The following IL1RAPL1 variants were observed in gnomAD, a reference collection of about 807,000 sequenced individuals.
IL1RAPL1 encodes the protein interleukin 1 receptor accessory protein like 1.
In IL1RAPL1, 3 loss-of-function variants were observed where a neutral mutation model predicts 48.4. The ratio of observed to expected loss-of-function variants is 0.06; its 90% CI spans 0.03 to 0.16. IL1RAPL1 has a LOEUF of 0.16. Ranked by LOEUF, IL1RAPL1 falls within the 10% of genes least tolerant of loss-of-function variation. The pLI is 1.00. For synonymous variants in IL1RAPL1, 185 were observed against 187.7 expected (o/e 0.99, Z 0.12); for missense variants, 349 against 530.6 (o/e 0.66, Z 3.36).
intron 5 of IL1RAPL1, among the ~76,000 whole-genome samples, chrX:29,631,386 C>A (rs750122022): frequency 4.8e-4 from 53 of 111,511 alleles, no homozygotes; most frequent in African/African-American, 1.6e-3. Context: ...AGCCTCCCAT[C>A]TCAGCCTCCT....
intron 1 of IL1RAPL1, among the ~76,000 whole-genome samples, chrX:28,609,662 C>A (rs1229662929): frequency 9.4e-6 from 1 of 106,026 alleles, no homozygotes; most frequent in East Asian, 3.0e-4. Flanking sequence ...CACACACACA[C>A]AACATACCTA....
intron 1 of IL1RAPL1, among the ~76,000 whole-genome samples, chrX:28,743,584 C>T (rs1478256361): frequency 1.8e-5 from 2 of 110,762 alleles, no homozygotes; most frequent in African/African-American, 6.5e-5. Context: ...GGACCTCTAC[C>T]ACCTAATCCT....
chrX:29,413,143 T>A (rs1472637453), intron 5 of IL1RAPL1, among the ~76,000 whole-genome samples: 1 of 109,937 alleles, frequency 9.1e-6, no homozygotes, highest in Admixed American at 9.7e-5. Context: ...AAAAAGGGAG[T>A]TCCCCTGCAC....
intron 2 of IL1RAPL1, among the ~76,000 whole-genome samples, chrX:29,194,422 A>G (rs1329377152): frequency 2.7e-5 from 3 of 112,810 alleles, no homozygotes; most frequent in Non-Finnish European, 5.6e-5. Flanking sequence ...TAAAGCAAAT[A>G]GGACCTTGAG....
chrX:29,912,059 A>T (rs1932760853), intron 6 of IL1RAPL1, among the ~76,000 whole-genome samples: 1 of 112,264 alleles, frequency 8.9e-6, no homozygotes, highest in Non-Finnish European at 1.9e-5. Context: ...AGTATCTATT[A>T]TTTTTGTTTT....
At chrX:29,537,625 G>GT (rs1413123828) in intron 5 of IL1RAPL1, among the ~76,000 whole-genome samples, 31 of 94,240 alleles carry the variant, frequency 3.3e-4, no homozygotes, top group Admixed American at 1.1e-4. Context: ...TGAATATTTG[G>GT]TAAAAAAAAA....
chrX:28,675,808 A>G (rs141126145), intron 1 of IL1RAPL1, among the ~76,000 whole-genome samples: 2,364 of 111,314 alleles, frequency 0.021, 76 homozygotes, highest in African/African-American at 0.074. Flanking sequence ...ATATACAAAA[A>G]TAATTAGAAA....
chrX:28,882,999 G>T (rs1195227229), intron 2 of IL1RAPL1, among the ~76,000 whole-genome samples: 1 of 111,477 alleles, frequency 9.0e-6, no homozygotes, highest in Non-Finnish European at 1.9e-5. Context: ...CATACAGTGT[G>T]TGTATGGGAG....
At chrX:29,691,089 T>A (rs1926759877) in intron 6 of IL1RAPL1, among the ~76,000 whole-genome samples, 1 of 111,946 alleles carries the variant, frequency 8.9e-6, no homozygotes, top group African/African-American at 3.2e-5. Context: ...TATTTGGAAC[T>A]GTGTCTGTTT....
rs764959790 is a variant in IL1RAPL1, at chrX:29,263,868, C to A, written c.83-19070C>A. ...CTCTTTCTCTCTCTCTCTCCCCCCC[C>A]CCCGCTCTCATAGAGCAATGTTAAA... is the stretch of plus-strand genomic sequence containing the variant. On this transcript the variant is annotated intron_variant, in intron 2 of 10. Coordinates refer to ENST00000378993, the MANE Select transcript of IL1RAPL1 (RefSeq NM_014271.4). Among the ~76,000 whole-genome samples, 436 of 99,655 alleles carry A rather than the reference C, an allele frequency of 4.4e-3. 7 individuals are homozygous for A. The highest frequency in any genetic ancestry group is 0.015 in the African/African-American group (413 of 26,965). The allele number at this position is 99,655 out of a possible 115,157, so 86.5% of individuals were successfully genotyped here.
At chrX:29,692,493 T>C (rs1174281371) in intron 6 of IL1RAPL1, among the ~76,000 whole-genome samples, 4 of 112,038 alleles carry the variant, frequency 3.6e-5, no homozygotes, top group Non-Finnish European at 7.5e-5. Context: ...TTCCTACACT[T>C]TGTCTTCCTG....
rs753435497 is a variant in IL1RAPL1, at chrX:29,382,944, A to G, written c.363-13314A>G. Reference sequence around the variant, plus strand: ...CAGTAGGATAAGGAGATTAAATAGGAAGAGTTATGTGATTTATCTCTTTTA... The same window carrying G: ...CAGTAGGATAAGGAGATTAAATAGGGAGAGTTATGTGATTTATCTCTTTTA... On this transcript the variant is annotated intron_variant, in intron 3 of 10. Transcript: ENST00000378993. Among the ~76,000 whole-genome samples the G allele has an allele frequency of 4.0e-3, 453 of 112,125 alleles. 2 individuals are homozygous for G. Among genetic ancestry groups the G allele is most frequent in the Non-Finnish European group, 7.3e-3 (387 of 53,214 alleles).
At chrX:29,836,879 A>G (rs1229682842) in intron 6 of IL1RAPL1, among the ~76,000 whole-genome samples, 1 of 110,898 alleles carries the variant, frequency 9.0e-6, no homozygotes, top group Admixed American at 9.6e-5. Flanking sequence ...CAAAATTTGT[A>G]AGAGTATAGT....
intron 1 of IL1RAPL1, among the ~76,000 whole-genome samples, chrX:28,594,701 G>A (rs772901011): frequency 8.9e-6 from 1 of 112,125 alleles, no homozygotes; most frequent in African/African-American, 3.2e-5. Flanking sequence ...TACAGCTAAT[G>A]TTGGCATATC....
chrX:29,660,908 A>C (rs1301648643), intron 5 of IL1RAPL1, among the ~76,000 whole-genome samples: 1 of 112,051 alleles, frequency 8.9e-6, no homozygotes, highest in Non-Finnish European at 1.9e-5. Context: ...TGAATCTGTC[A>C]ATTGCTTTGG....
chrX:29,885,287 C>T (rs943170068), intron 6 of IL1RAPL1, among the ~76,000 whole-genome samples: 1 of 112,278 alleles, frequency 8.9e-6, no homozygotes, highest in South Asian at 3.7e-4. Flanking sequence ...ACCTATTCTA[C>T]TGCCAGCATT....
intron 1 of IL1RAPL1, among the ~76,000 whole-genome samples, chrX:28,619,740 A>C (rs948512729): frequency 9.0e-6 from 1 of 111,490 alleles, no homozygotes. Flanking sequence ...TACATGATTC[A>C]TGCATAATTT....
At chrX:29,147,260 A>T (rs1929369503) in intron 2 of IL1RAPL1, among the ~76,000 whole-genome samples, 1 of 112,384 alleles carries the variant, frequency 8.9e-6, no homozygotes, top group African/African-American at 3.2e-5. Flanking sequence ...TACAGATTAT[A>T]GCCACATTCC....
intron 2 of IL1RAPL1, among the ~76,000 whole-genome samples, chrX:28,990,945 A>T (rs1192802331): frequency 8.9e-6 from 1 of 112,137 alleles, no homozygotes. Flanking sequence ...ACAACAATTT[A>T]AATTTGGAAA....
Sources: gnomAD v4.1 joint callset for allele counts (sites outside exome capture counted in the v4.1 genomes callset) on GRCh38, gnomAD v4.1.1 for gene constraint, MANE v1.5 for transcripts, NCBI Gene and HGNC (gene_info 2026-07-23, HGNC 2026-07-21) for gene names.